The following FRMPD4 variants were observed in gnomAD, a reference collection of about 807,000 sequenced individuals.
The protein encoded by FRMPD4 is FERM and PDZ domain-containing protein 4.
A neutral mutation model predicts 94.1 loss-of-function variants in FRMPD4; 22 were observed. That is an observed-to-expected ratio of 0.23 (90% CI 0.17 to 0.33). The LOEUF (loss-of-function observed/expected upper bound fraction) is 0.33, where lower values mean the gene tolerates loss of function less well. FRMPD4 is among the 10% of genes least tolerant of loss of function. The pLI is 1.00. For synonymous variants in FRMPD4, 631 were observed against 548.6 expected (o/e 1.15, Z -2.10); for missense variants, 1,111 against 1,339.9 (o/e 0.83, Z 2.67).
intron 4 of FRMPD4, among the ~76,000 whole-genome samples, chrX:12,619,688 G>A (rs1049001583): frequency 8.9e-6 from 1 of 111,988 alleles, no homozygotes; most frequent in African/African-American, 3.2e-5. Context: ...ACCTACCTTG[G>A]CCTTGGGTAA....
chrX:12,497,667 T>C (rs1010718074), intron 1 of FRMPD4, among the ~76,000 whole-genome samples: 1 of 110,900 alleles, frequency 9.0e-6, no homozygotes, highest in Non-Finnish European at 1.9e-5. Context: ...CTACATCCTT[T>C]ATGAAGGCTG....
chrX:11,840,464 T>C (rs2053527905), intron 1 of FRMPD4, among the ~76,000 whole-genome samples: 1 of 110,951 alleles, frequency 9.0e-6, no homozygotes, highest in Non-Finnish European at 1.9e-5. Context: ...GTGTAAACTT[T>C]AGGAATTTTT....
intron 2 of FRMPD4, among the ~76,000 whole-genome samples, chrX:12,588,335 G>A (rs1302255434): frequency 2.7e-5 from 3 of 112,241 alleles, no homozygotes; most frequent in African/African-American, 9.7e-5. Flanking sequence ...GTGCAAAATG[G>A]CAGGGCCCAG....
chrX:12,158,646 G>T (rs990665070), intron 1 of FRMPD4, among the ~76,000 whole-genome samples: 2 of 111,486 alleles, frequency 1.8e-5, no homozygotes, highest in Non-Finnish European at 3.8e-5. Context: ...TTTCACTTAA[G>T]TCATGTTTAT....
At chrX:11,882,097 A>G (rs2053817239) in intron 3 of FRMPD4, among the ~76,000 whole-genome samples, 1 of 111,917 alleles carries the variant, frequency 8.9e-6, no homozygotes, top group Non-Finnish European at 1.9e-5. Flanking sequence ...AAAAAGTTTG[A>G]AAAGAGTCTT....
intron 9 of FRMPD4, among the ~76,000 whole-genome samples, chrX:12,696,475 C>T (rs959967555): frequency 9.2e-6 from 1 of 108,232 alleles, no homozygotes; most frequent in Non-Finnish European, 1.9e-5. Context: ...TGACCTAATC[C>T]TTAGACAGCT....
chrX:12,620,039 G>A (rs1299971881), intron 4 of FRMPD4, among the ~76,000 whole-genome samples: 1 of 112,294 alleles, frequency 8.9e-6, no homozygotes, highest in African/African-American at 3.2e-5. Flanking sequence ...CCATGGTCAG[G>A]GAGACAGGCT....
intron 1 of FRMPD4, among the ~76,000 whole-genome samples, chrX:12,231,019 G>C (rs2407770): frequency 3.9e-5 from 1 of 25,371 alleles, no homozygotes; most frequent in South Asian, 1.5e-3. Context: ...AGTATATATA[G>C]TATATATATA....
chrX:12,613,308 G>T (rs1306704934), intron 3 of FRMPD4, among the ~76,000 whole-genome samples: 1 of 111,476 alleles, frequency 9.0e-6, no homozygotes, highest in Non-Finnish European at 1.9e-5. Flanking sequence ...GCAGTGACTA[G>T]GTTCTGAATT....
At chrX:12,475,285 A>G in intron 1 of FRMPD4, among the ~76,000 whole-genome samples, 2 of 112,329 alleles carry the variant, frequency 1.8e-5, no homozygotes, top group Middle Eastern at 9.1e-3. Flanking sequence ...AAAACTCTCA[A>G]TAAATTAGCT....
intron 1 of FRMPD4, among the ~76,000 whole-genome samples, chrX:12,330,079 A>T (rs946550788): frequency 1.8e-5 from 2 of 111,017 alleles, no homozygotes; most frequent in Non-Finnish European, 3.8e-5. Flanking sequence ...GAGGTGATTC[A>T]TGCAGAATAC....
chrX:11,991,907 C>G (rs953320312), intron 3 of FRMPD4, among the ~76,000 whole-genome samples: 6 of 111,903 alleles, frequency 5.4e-5, no homozygotes, highest in African/African-American at 1.6e-4. Flanking sequence ...ACAGCGACTC[C>G]GAAGAGCTGA....
intron 9 of FRMPD4, among the ~76,000 whole-genome samples, chrX:12,698,311 T>C (rs2060154083): frequency 8.9e-6 from 1 of 111,847 alleles, no homozygotes; most frequent in Non-Finnish European, 1.9e-5. Context: ...GTCCAGATTG[T>C]TCAAATTTAT....
chrX:11,934,332 G>A (rs1234236392), intron 3 of FRMPD4, among the ~76,000 whole-genome samples: 1 of 111,874 alleles, frequency 8.9e-6, no homozygotes. Flanking sequence ...GAAACAGGAT[G>A]TTATGGCTGG....
chrX:12,546,666 A>G (rs905670840), intron 2 of FRMPD4, among the ~76,000 whole-genome samples: 7 of 111,711 alleles, frequency 6.3e-5, no homozygotes, highest in African/African-American at 2.3e-4. Flanking sequence ...AATATATAAT[A>G]TAGCTGTAGT....
At chrX:12,489,728 T>C (rs1368276446) in intron 1 of FRMPD4, among the ~76,000 whole-genome samples, 3 of 111,895 alleles carry the variant, frequency 2.7e-5, no homozygotes, top group Non-Finnish European at 5.6e-5. Flanking sequence ...AAAAAGCATT[T>C]AATGATTGGT....
At chrX:12,251,029 A>G (rs913776757) in intron 1 of FRMPD4, among the ~76,000 whole-genome samples, 2 of 112,433 alleles carry the variant, frequency 1.8e-5, no homozygotes, top group Non-Finnish European at 3.8e-5. Context: ...CAGGAAAGGA[A>G]TAATAATTCC....
intron 1 of FRMPD4, among the ~76,000 whole-genome samples, chrX:12,359,351 T>C (rs771658906): frequency 1.2e-4 from 14 of 112,388 alleles, no homozygotes; most frequent in African/African-American, 3.9e-4. Flanking sequence ...CTTAATCTGA[T>C]TGAAAATAAG....
chrX:12,266,922 A>C (rs1476532451), intron 1 of FRMPD4, among the ~76,000 whole-genome samples: 1 of 112,283 alleles, frequency 8.9e-6, no homozygotes, highest in East Asian at 2.8e-4. Context: ...TCATAAATAG[A>C]AAGTATATTT....
Sources: allele counts gnomAD v4.1 joint callset (sites outside exome capture counted in the v4.1 genomes callset), GRCh38; gene constraint gnomAD v4.1.1; transcripts MANE v1.5; gene names NCBI Gene and HGNC (gene_info 2026-07-23, HGNC 2026-07-21).